Variants in PRKCG observed in about 807,000 individuals in gnomAD.
PRKCG encodes protein kinase C gamma type.
A neutral mutation model predicts 82.0 loss-of-function variants in PRKCG; 28 were observed. The ratio of observed to expected loss-of-function variants is 0.34; its 90% CI spans 0.25 to 0.47. The LOEUF (loss-of-function observed/expected upper bound fraction) is 0.47, where lower values mean the gene tolerates loss of function less well. Among genes scored for constraint, PRKCG ranks in the 20% least tolerant of loss-of-function variants. The pLI, the probability that PRKCG is intolerant of heterozygous loss-of-function variation, is 1.00. For missense variants in PRKCG, 640 were observed against 952.7 expected (o/e 0.67, Z 4.32); for synonymous variants, 383 against 376.6 (o/e 1.02, Z -0.20).
At chr19:53,895,825 C>T (rs1452740092) in intron 9 of PRKCG, among the ~76,000 whole-genome samples, 1 of 151,876 alleles carries the variant, frequency 6.6e-6, no homozygotes, top group Non-Finnish European at 1.5e-5. Context: ...TTTGGGAGGC[C>T]AAGGCGGGTG....
At chr19:53,890,748 AT>A (rs540543756) in intron 5 of PRKCG, among the ~76,000 whole-genome samples, 3,113 of 119,674 alleles carry the variant, frequency 0.026, 79 homozygotes, top group African/African-American at 0.071. Flanking sequence ...CATCCGGCTA[AT>A]TTTTTTTTTT....
chr19:53,882,188 G>C (rs556406979), upstream of PRKCG: 52 of 401,684 alleles, frequency 1.3e-4, 2 homozygotes, highest in South Asian at 1.1e-3. The surrounding 1 kb of genome is among the most constrained non-coding windows in gnomAD (Gnocchi z 6.1). Context: ...CCCCCAACCC[G>C]GGGCTCCCAC....
rs756397908 is a variant in PRKCG, at chr19:53,904,750, C to G, written c.1764+8C>G. The G allele has an allele frequency of 4.4e-6, 7 of 1,605,060 alleles. No individual in the cohort carries two copies. The African/African-American group carries it at 5.4e-5, about 12-fold the overall frequency. On this transcript the variant is annotated splice_region_variant and intron_variant, in intron 16 of 17. Transcript: ENST00000263431. ...GTGGCCATCTGCAAGGGGGTGAGAG[C>G]CCCCTGACTCCCAGCTTCTCCAGGC...
chr19:53,889,929 C>T lies in PRKCG; in HGVS notation c.441C>T (p.Pro147=), dbSNP rs764546467. The T allele has an allele frequency of 7.1e-5, 112 of 1,583,230 alleles. No individual in the cohort carries two copies. Among genetic ancestry groups the T allele is most frequent in the Non-Finnish European group, 7.6e-5 (89 of 1,165,734 alleles). ...ACCGGCGCTGTGTGCGTAGCGTGCC[C>T]TCCCTGTGCGGTGTGGACCACACCG... ...NVHRRCVRSV[P]SLCGVDHTER... The change falls in exon 5 of 18, where the codon CCC becomes CCT. Residue 147 remains proline, a synonymous_variant. Coordinates refer to ENST00000263431, the MANE Select transcript of PRKCG (RefSeq NM_002739.5). The surrounding 1 kb of genome is among the most constrained non-coding windows in gnomAD (Gnocchi z 4.4).
rs1185371388 is a variant in PRKCG, at chr19:53,892,608, C to G, written c.786C>G (p.Gly262=). Residue 262 remains glycine (G), a synonymous_variant, in exon 7 of 18, where the codon GGC becomes GGG. Coordinates refer to ENST00000263431, the MANE Select transcript of PRKCG (RefSeq NM_002739.5). This position sits in a 1 kb window ranked among gnomAD's most constrained non-coding sequence, Gnocchi z 5.9. ...ACTTCATGGGGGCCATGTCCTTTGG[C>G]GTCTCGGAGCTGCTCAAGGCGCCCG... ...RNDFMGAMSF[G]VSELLKAPVD... is the part of the protein sequence containing the mutation. 1 of 1,613,208 alleles carries G rather than the reference C, an allele frequency of 6.2e-7. No individual in the cohort carries two copies. The highest frequency in any genetic ancestry group is 1.1e-5 in the South Asian group (1 of 91,062).
intron 9 of PRKCG, among the ~76,000 whole-genome samples, chr19:53,897,202 A>G (rs2068724057): frequency 6.6e-6 from 1 of 152,242 alleles, no homozygotes; most frequent in Non-Finnish European, 1.5e-5. Flanking sequence ...AAGGGTTTAC[A>G]AGCATAGGGG....
In PRKCG at chr19:53,906,696, G is replaced by A. The variant is rs12462083; in HGVS notation, c.1906-11G>A. The A allele has an allele frequency of 1.3e-5, 21 of 1,612,096 alleles. No homozygotes were observed. The Admixed American group carries it at 2.0e-4, about 15-fold the overall frequency. ...AGCTGCTTAACTTTCCCTCCCCCACGTCTCCCACAGTGTGGCCGCAGCGGC... is the reference window on the plus strand; with the variant it reads ...AGCTGCTTAACTTTCCCTCCCCCACATCTCCCACAGTGTGGCCGCAGCGGC... On this transcript the variant is annotated splice_polypyrimidine_tract_variant and intron_variant, in intron 17 of 17. Coordinates refer to ENST00000263431, the MANE Select transcript of PRKCG (RefSeq NM_002739.5).
chr19:53,892,011 G>A lies in PRKCG; in HGVS notation c.686+181G>A, dbSNP rs769523938. 6.6e-5 allele frequency among the ~76,000 whole-genome samples: 10 copies of A among 152,130 alleles called. No homozygotes were observed. Among genetic ancestry groups the A allele is most frequent in the South Asian group, 2.1e-4 (1 of 4,832 alleles). On this transcript the variant is annotated intron_variant, in intron 6 of 17. Transcript: ENST00000263431. The surrounding 1 kb of genome is among the most constrained non-coding windows in gnomAD (Gnocchi z 5.9). ...GGGAGTGGGATGGAGATACAGAAACGGAGAGACAGCCAGACCACTGTATAA... is the reference window on the plus strand; with the variant it reads ...GGGAGTGGGATGGAGATACAGAAACAGAGAGACAGCCAGACCACTGTATAA...
intron 15 of PRKCG, 78 bp from the exon 16 acceptor site, chr19:53,904,557 G>T (rs1414668165): frequency 1.1e-5 from 14 of 1,254,858 alleles, no homozygotes; most frequent in Middle Eastern, 3.7e-4. Flanking sequence ...TGTTCCCGGT[G>T]GGGTGAGGAG....
intron 9 of PRKCG, among the ~76,000 whole-genome samples, chr19:53,893,748 AT>A (rs1435452639): frequency 1.3e-5 from 2 of 151,252 alleles, no homozygotes; most frequent in African/African-American, 2.4e-5. Context: ...GTTTTTTAAA[AT>A]TTTTTAATTT....
In PRKCG at chr19:53,882,273, G is replaced by T; in HGVS notation, c.-222G>T. ...CCGGCTGCCGGCGCCCCTGCCTTTG[G>T]CTCTTCCTCCCCACTCGCCCGCTCC... On this transcript the variant is annotated 5_prime_UTR_variant, in exon 1 of 18. Coordinates refer to ENST00000263431, the MANE Select transcript of PRKCG (RefSeq NM_002739.5). The surrounding 1 kb of genome is among the most constrained non-coding windows in gnomAD (Gnocchi z 6.1). 1 of 639,936 alleles carries T rather than the reference G, an allele frequency of 1.6e-6. No homozygotes were observed. The highest frequency in any genetic ancestry group is 2.7e-6 in the Non-Finnish European group (1 of 371,700). The allele number at this position is 639,936 out of a possible 1,614,324, so 39.6% of individuals were successfully genotyped here.
chr19:53,889,575 G>GC lies in PRKCG; in HGVS notation c.286-59dup. On this transcript the variant is annotated intron_variant, in intron 3 of 17. Transcript: ENST00000263431. The surrounding 1 kb of genome is among the most constrained non-coding windows in gnomAD (Gnocchi z 4.4). ...CAAGGCAGGAGGAAAAGATAAAAGG[G>GC]CCCCTCCCCTGGGGTTTTAGGACCC... 1 of 1,243,620 alleles carries GC rather than the reference G, an allele frequency of 8.0e-7. No homozygotes were observed. The highest frequency in any genetic ancestry group is 2.4e-5 in the East Asian group (1 of 41,572). 77.0% of individuals were successfully genotyped at this position (1,243,620 alleles called of 1,614,324 possible).
intron 14 of PRKCG, among the ~76,000 whole-genome samples, chr19:53,901,955 C>T (rs995749848): frequency 2.6e-5 from 4 of 151,726 alleles, no homozygotes; most frequent in Admixed American, 6.6e-5. Flanking sequence ...GGGTATTACC[C>T]GACTTTGTTA....
At chr19:53,886,598 G>C (rs1455880026) in intron 3 of PRKCG, among the ~76,000 whole-genome samples, 2 of 151,996 alleles carry the variant, frequency 1.3e-5, no homozygotes, top group East Asian at 3.9e-4. Flanking sequence ...TGTAGAGATG[G>C]AGTCTCACTC....
At position 53,906,735 on chromosome 19, in the gene PRKCG, A is replaced by C. The variant is rs774167982; in HGVS notation, c.1934A>C (p.Lys645Thr). 1 of 1,613,130 alleles carries C rather than the reference A, an allele frequency of 6.2e-7. No individual in the cohort carries two copies. The highest frequency in any genetic ancestry group is 8.5e-7 in the Non-Finnish European group (1 of 1,179,958). Residue 645 changes from lysine to threonine, a missense_variant, in exon 18 of 18, where the codon AAG (lysine) becomes ACG (threonine). By Grantham distance (78) the Lys-to-Thr change is moderately conservative. Around this residue, in one of 7 missense-constraint regions of PRKCG, gnomAD observed 198 missense variants for 273.4 expected, o/e 0.72. Coordinates refer to ENST00000263431, the MANE Select transcript of PRKCG (RefSeq NM_002739.5). ...PCGRSGENFD[K>T]FFTRAAPALT... ...GGCCGCAGCGGCGAGAACTTTGACA[A>C]GTTCTTCACGCGGGCGGCGCCAGCG...
In PRKCG at chr19:53,903,249, T is replaced by C. The variant is rs540676836; in HGVS notation, c.1656+96T>C. On this transcript the variant is annotated intron_variant, in intron 15 of 17. Transcript: ENST00000263431. The stretch of plus-strand genomic sequence containing the variant: ...CCAGTTAGAAAGGAGCCCAGAAGGT[T>C]GTGCTCGAATAGCGCTGTCCATGGT... 14 of 924,212 alleles carry C rather than the reference T, an allele frequency of 1.5e-5. No homozygotes were observed. In the South Asian group the frequency reaches 1.6e-4, roughly 10 times the overall value. 57.3% of individuals were successfully genotyped at this position (924,212 alleles called of 1,614,324 possible).
intron 15 of PRKCG, 100 bp from the exon 16 acceptor site, chr19:53,904,535 A>G: frequency 1.0e-6 from 1 of 985,168 alleles, no homozygotes; most frequent in Non-Finnish European, 1.6e-6. Context: ...GGGGCGTGTG[A>G]TGGGTCAGGC....
chr19:53,896,879 A>G (rs1349998501), intron 9 of PRKCG, among the ~76,000 whole-genome samples: 1 of 152,224 alleles, frequency 6.6e-6, no homozygotes, highest in African/African-American at 2.4e-5. Flanking sequence ...GGTGCTGTCC[A>G]TGGTGACCAA....
intron 5 of PRKCG, among the ~76,000 whole-genome samples, chr19:53,890,694 G>T (rs2068668406): frequency 6.6e-6 from 1 of 151,082 alleles, no homozygotes; most frequent in Admixed American, 6.6e-5. Context: ...GGATTCTCCT[G>T]CCTCAGCCTC....
Sources: gnomAD v4.1 joint callset for allele counts (sites outside exome capture counted in the v4.1 genomes callset) on GRCh38, gnomAD v4.1.1 for gene constraint, gnomAD v4.1.1 regional missense constraint, Gnocchi (gnomAD v3.1) non-coding constraint, MANE v1.5 for transcripts, NCBI Gene and HGNC (gene_info 2026-07-23, HGNC 2026-07-21) for gene names.